FMNL2: variants seen among roughly 807,000 people sequenced by gnomAD.
The protein encoded by FMNL2 is formin-like protein 2.
A neutral mutation model predicts 130.2 loss-of-function variants in FMNL2; 51 were observed. That is an observed-to-expected ratio of 0.39 (90% CI 0.31 to 0.49). The LOEUF (loss-of-function observed/expected upper bound fraction) is 0.49. Ranked by LOEUF, FMNL2 falls within the 20% of genes least tolerant of loss-of-function variation. The pLI is 0.85. For synonymous variants in FMNL2, 465 were observed against 467.1 expected (o/e 1.00, Z 0.06); for missense variants, 977 against 1,316.2 (o/e 0.74, Z 3.99).
chr2:152,571,572 T>A (rs1696171513), intron 6 of FMNL2, among the ~76,000 whole-genome samples: 1 of 152,088 alleles, frequency 6.6e-6, no homozygotes. Context: ...ATGCCAAGGG[T>A]GTTAGTTTGC....
At chr2:152,412,450 A>ATT (rs1686353266) in intron 1 of FMNL2, among the ~76,000 whole-genome samples, 1 of 6,034 alleles carries the variant, frequency 1.7e-4, no homozygotes, top group Non-Finnish European at 3.9e-4. Flanking sequence ...TATATTTTAT[A>ATT]TATATATATA....
Position 152,618,881 on chromosome 2 carries a change from A to G in FMNL2, c.1350A>G (p.Thr450=), listed in dbSNP as rs745727617. Residue 450 remains threonine (T), a synonymous_variant, in exon 14 of 26, where the codon ACA becomes ACG. Coordinates refer to ENST00000288670, the MANE Select transcript of FMNL2 (RefSeq NM_052905.4). ...IYKDANTQVH[T]LRKMVKEKEE... is the part of the protein sequence containing the mutation. ...AAGATGCAAATACTCAAGTTCACAC[A>G]TTAAGAAAAATGGTCAAAGAAAAAG... is the stretch of plus-strand genomic sequence containing the variant. The G allele has an allele frequency of 1.2e-6, 2 of 1,609,866 alleles. No homozygotes were observed. Among genetic ancestry groups the G allele is most frequent in the African/African-American group, 2.7e-5 (2 of 74,450 alleles).
intron 1 of FMNL2, among the ~76,000 whole-genome samples, chr2:152,414,037 T>C (rs992504628): frequency 1.3e-5 from 2 of 152,246 alleles, no homozygotes; most frequent in African/African-American, 4.8e-5. Context: ...ATAAATGTGA[T>C]TATTGATGTA....
At chr2:152,618,805 G>C (rs1347416836) in intron 13 of FMNL2, 41 bp from the exon 14 acceptor site, 1 of 1,512,006 alleles carries the variant, frequency 6.6e-7, no homozygotes, top group Non-Finnish European at 8.9e-7. Flanking sequence ...AAGTATGAAT[G>C]TTATGTGAAG....
intron 21 of FMNL2, among the ~76,000 whole-genome samples, chr2:152,635,115 G>A (rs540891487): frequency 6.6e-6 from 1 of 152,282 alleles, no homozygotes; most frequent in Admixed American, 6.5e-5. Flanking sequence ...TTTTTAAAAA[G>A]TTTTCTCTCA....
intron 1 of FMNL2, among the ~76,000 whole-genome samples, chr2:152,500,029 C>A (rs754027504): frequency 3.3e-5 from 5 of 151,984 alleles, no homozygotes; most frequent in African/African-American, 4.8e-5. Context: ...GAGCATTGAC[C>A]CCTGAAGCAA....
intron 9 of FMNL2, among the ~76,000 whole-genome samples, chr2:152,588,047 A>C (rs1697184331): frequency 6.6e-6 from 1 of 152,240 alleles, no homozygotes; most frequent in Admixed American, 6.5e-5. Context: ...TTTAGGGTGA[A>C]CAAGGTTAAC....
chr2:152,622,037 G>C (rs896953433), intron 15 of FMNL2, among the ~76,000 whole-genome samples: 3 of 152,154 alleles, frequency 2.0e-5, no homozygotes, highest in African/African-American at 7.2e-5. Flanking sequence ...GTATTTTATA[G>C]AGAAAATAGT....
chr2:152,413,465 A>T (rs550898832), intron 1 of FMNL2, among the ~76,000 whole-genome samples: 1 of 152,332 alleles, frequency 6.6e-6, no homozygotes, highest in Admixed American at 6.5e-5. Context: ...CTAACCAAAC[A>T]GTAGTGGTTT....
At chr2:152,622,396 AT>A in intron 15 of FMNL2, 1 of 432,110 alleles carries the variant, frequency 2.3e-6, no homozygotes, top group Non-Finnish European at 4.7e-6. Flanking sequence ...ATGGAAATGA[AT>A]TTTTGGCTCT....
At chr2:152,606,629 CTT>C (rs70974875) in intron 9 of FMNL2, among the ~76,000 whole-genome samples, 28,479 of 105,164 alleles carry the variant, frequency 0.27, 3,579 homozygotes, top group East Asian at 0.5. Flanking sequence ...TTTTTTGACT[CTT>C]TTTTTTTTTT....
At chr2:152,619,179 G>A in intron 14 of FMNL2, 21 bp downstream of exon 14, 2 of 1,528,874 alleles carry the variant, frequency 1.3e-6, no homozygotes, top group Non-Finnish European at 1.8e-6. Context: ...TTGGCAGGAG[G>A]ACTGAGGAAG....
At chr2:152,346,783 CT>C (rs1374124271) in intron 1 of FMNL2, among the ~76,000 whole-genome samples, 1 of 152,084 alleles carries the variant, frequency 6.6e-6, no homozygotes, top group Non-Finnish European at 1.5e-5. Flanking sequence ...TTAAAAAAAT[CT>C]TTTCATGGCC....
At chr2:152,456,961 A>G (rs116083285) in intron 1 of FMNL2, among the ~76,000 whole-genome samples, 2 of 152,064 alleles carry the variant, frequency 1.3e-5, no homozygotes, top group East Asian at 1.9e-4. Context: ...AAAAATTGCT[A>G]CAAAGGAATC....
In FMNL2 at chr2:152,335,282, CG is replaced by C; in HGVS notation, c.-317del. On this transcript the variant is annotated 5_prime_UTR_variant, in exon 1 of 26. Transcript: ENST00000288670. ...AGGCCGAGTAGGAGGGACCACGCGC[CG>C]GGGGCCGCGATCTCTGGCAGGGGGC... The C allele has an allele frequency of 6.0e-6, 1 of 167,310 alleles. No individual in the cohort carries two copies. The highest frequency in any genetic ancestry group is 1.3e-5 in the Non-Finnish European group (1 of 78,780). 10.4% of individuals were successfully genotyped at this position (167,310 alleles called of 1,614,324 possible). A position where few individuals can be genotyped will look rare whatever the true frequency, so the allele number is the denominator to read the frequency against.
At chr2:152,430,556 C>A (rs1687440603) in intron 1 of FMNL2, among the ~76,000 whole-genome samples, 1 of 152,144 alleles carries the variant, frequency 6.6e-6, no homozygotes. Flanking sequence ...TTCCATTCAT[C>A]TCTTTCTTTA....
At chr2:152,647,766 A>G (rs73971935) in intron 25 of FMNL2, 30 bp from the exon 26 acceptor site, 12 of 1,603,858 alleles carry the variant, frequency 7.5e-6, no homozygotes, top group East Asian at 2.2e-5. Flanking sequence ...AAAGGTTGCT[A>G]TTCTCTCACT....
rs1696633143 is a variant in FMNL2, at chr2:152,579,083, G to A, written c.782+119G>A. On this transcript the variant is annotated intron_variant, in intron 8 of 25. Coordinates refer to ENST00000288670, the MANE Select transcript of FMNL2 (RefSeq NM_052905.4). ...AGTGTTAATCTCTGAAATAAGATTG[G>A]CTATAAACTCTTTGGCTGTGTAAGA... 1.0e-5 allele frequency: 8 copies of A among 802,596 alleles called. No individual in the cohort carries two copies. In the South Asian group the frequency reaches 1.4e-4, roughly 14 times the overall value. 49.7% of individuals were successfully genotyped at this position (802,596 alleles called of 1,614,324 possible).
At chr2:152,466,708 A>AG (rs886662556) in intron 1 of FMNL2, among the ~76,000 whole-genome samples, 1 of 152,200 alleles carries the variant, frequency 6.6e-6, no homozygotes, top group Non-Finnish European at 1.5e-5. Flanking sequence ...CAGGGGGAGA[A>AG]GACGGTGGCA....
Sources: allele counts gnomAD v4.1 joint callset (sites outside exome capture counted in the v4.1 genomes callset), GRCh38; gene constraint gnomAD v4.1.1; transcripts MANE v1.5; gene names NCBI Gene and HGNC (gene_info 2026-07-23, HGNC 2026-07-21).